RNF14: variants seen among roughly 807,000 people sequenced by gnomAD.
RNF14 encodes the protein ring finger protein 14, also known as E3 ubiquitin-protein ligase RNF14.
Under a neutral mutation model 52.6 loss-of-function variants are expected in RNF14, and 26 were observed. The observed-to-expected ratio is 0.49, with a 90% confidence interval of 0.36 to 0.69. The LOEUF is 0.69. Ranked by LOEUF, RNF14 falls within the 30% of genes least tolerant of loss-of-function variation. RNF14 has a pLI of 0.00. For missense variants in RNF14, 404 were observed against 560.4 expected, an observed-to-expected ratio of 0.72 and a Z score of 2.82; for synonymous variants, 194 against 202.0, an observed-to-expected ratio of 0.96 and a Z score of 0.34.
At chr5:141,985,018 A>C in intron 8 of RNF14, 85 bp downstream of exon 8, 1 of 1,176,858 alleles carries the variant, frequency 8.5e-7, no homozygotes, top group Non-Finnish European at 1.2e-6. Flanking sequence ...TTATTTAAGT[A>C]CTTGGACTTA....
upstream of RNF14, among the ~76,000 whole-genome samples, chr5:141,953,980 C>G (rs1753132691): frequency 6.6e-6 from 1 of 152,208 alleles, no homozygotes; most frequent in South Asian, 2.1e-4. Flanking sequence ...CAGGCATCAT[C>G]CCTGGAAAGG....
Position 141,987,903 on chromosome 5 carries a change from G to C in RNF14, c.*113G>C. On this transcript the variant is annotated 3_prime_UTR_variant, in exon 9 of 9. Transcript: ENST00000394520. Reference sequence around the variant, plus strand: ...ACTATTCATTCACTCTTCCTGCGTAGAAGATATGGAAGAACGAGGTTTATA... The same window carrying C: ...ACTATTCATTCACTCTTCCTGCGTACAAGATATGGAAGAACGAGGTTTATA... 2.2e-6 allele frequency: 2 copies of C among 907,126 alleles called. No homozygotes were observed. Among genetic ancestry groups the C allele is most frequent in the Non-Finnish European group, 1.8e-6 (1 of 559,758 alleles). 56.2% of individuals were successfully genotyped at this position (907,126 alleles called of 1,614,324 possible). A position where few individuals can be genotyped will look rare whatever the true frequency, so the allele number is the denominator to read the frequency against.
At chr5:141,950,794 G>T in the RNF14 span, among the ~76,000 whole-genome samples, 1 of 152,186 alleles carries the variant, frequency 6.6e-6, no homozygotes, top group African/African-American at 2.4e-5. Context: ...TAGCAAAATT[G>T]CTTCAAGGGG....
chr5:141,961,370 T>C (rs542983253), intron 1 of RNF14, among the ~76,000 whole-genome samples: 2 of 152,286 alleles, frequency 1.3e-5, no homozygotes, highest in African/African-American at 4.8e-5. Context: ...ATTTCAAAGC[T>C]GGCAAACAAG....
At chr5:141,979,397 C>A (rs1596692612) in intron 5 of RNF14, among the ~76,000 whole-genome samples, 1 of 152,006 alleles carries the variant, frequency 6.6e-6, no homozygotes, top group African/African-American at 2.4e-5. Flanking sequence ...TACAGGCACC[C>A]GCCACCATGC....
At position 141,972,235 on chromosome 5, in the gene RNF14, TA is replaced by T. The variant is rs1422862796; in HGVS notation, c.-6-1347del. 6.1e-5 allele frequency among the ~76,000 whole-genome samples: 3 copies of T among 49,356 alleles called. No individual in the cohort carries two copies. In the East Asian group the frequency reaches 0.012, roughly 202 times the overall value. The allele number at this position is 49,356 out of a possible 152,430, so 32.4% of individuals were successfully genotyped here. A position where few individuals can be genotyped will look rare whatever the true frequency, so the allele number is the denominator to read the frequency against. ...CCCAGGACCTGGCGCTATTTGGAGA[TA>T]TTTTTTTTTTTGAGACAGGGTCCCA... On this transcript the variant is annotated intron_variant, in intron 2 of 8. Coordinates refer to ENST00000394520, the MANE Select transcript of RNF14 (RefSeq NM_004290.5).
At chr5:141,985,625 G>A (rs933327443) in intron 8 of RNF14, among the ~76,000 whole-genome samples, 9 of 151,860 alleles carry the variant, frequency 5.9e-5, no homozygotes, top group Non-Finnish European at 1.2e-4. Flanking sequence ...GTGCCGTCTC[G>A]GCTCACTGCA....
chr5:141,958,111 C>G, upstream of RNF14: 1 of 494,828 alleles, frequency 2.0e-6, no homozygotes, highest in Non-Finnish European at 3.6e-6. Flanking sequence ...ACTAGTTGGT[C>G]CACTTCAGCA....
the RNF14 span, among the ~76,000 whole-genome samples, chr5:141,951,814 G>A: frequency 6.6e-6 from 1 of 152,252 alleles, no homozygotes; most frequent in African/African-American, 2.4e-5. Flanking sequence ...GTCTGAAGGA[G>A]AGCAAGAGGA....
intron 8 of RNF14, 142 bp from the exon 9 acceptor site, chr5:141,987,591 A>G (rs1009623352): frequency 5.3e-6 from 4 of 752,578 alleles, no homozygotes; most frequent in Admixed American, 4.9e-5. Flanking sequence ...CCCATATTTC[A>G]GCCCTCCTCA....
upstream of RNF14, chr5:141,958,268 G>A (rs998685220): frequency 1.2e-5 from 2 of 173,766 alleles, no homozygotes; most frequent in Non-Finnish European, 2.5e-5. Context: ...GGAGGGCTGT[G>A]AGTTTCAATG....
chr5:141,987,134 T>C (rs1177007467), intron 8 of RNF14, among the ~76,000 whole-genome samples: 1 of 151,728 alleles, frequency 6.6e-6, no homozygotes, highest in Non-Finnish European at 1.5e-5. Context: ...TCCCAAAGGG[T>C]TGGTTTGAAC....
chr5:141,949,347 T>C, the RNF14 span: 39 of 1,498,102 alleles, frequency 2.6e-5, no homozygotes, highest in Middle Eastern at 4.6e-4. Flanking sequence ...GAATGGCTTT[T>C]CCCTGCAGTG....
intron 7 of RNF14, among the ~76,000 whole-genome samples, chr5:141,984,211 C>T (rs1254285741): frequency 1.3e-5 from 2 of 151,804 alleles, no homozygotes; most frequent in Admixed American, 1.3e-4. Context: ...AATTTTCATG[C>T]CTCAGCCTCC....
Position 141,978,662 on chromosome 5 carries a change from C to T in RNF14, c.666C>T (p.Ile222=). The change falls in exon 5 of 9, where the codon ATC becomes ATT. Residue 222 remains isoleucine (I), a synonymous_variant. Coordinates refer to ENST00000394520, the MANE Select transcript of RNF14 (RefSeq NM_004290.5). ...ATAGTAAATTGTTCCTGTGCAGTAT[C>T]TGTTTCTGTGAGAAGCTGGGTAGTG... The part of the protein sequence containing the change: ...CFNSKLFLCS[I]CFCEKLGSEC... 6.2e-7 allele frequency: 1 copy of T among 1,614,002 alleles called. No individual in the cohort carries two copies. Among genetic ancestry groups the T allele is most frequent in the Non-Finnish European group, 8.5e-7 (1 of 1,179,874 alleles).
the RNF14 span, among the ~76,000 whole-genome samples, chr5:141,950,972 A>C: frequency 6.6e-6 from 1 of 152,170 alleles, no homozygotes; most frequent in Non-Finnish European, 1.5e-5. Context: ...CACTTGCTCA[A>C]GTTTACATAG....
At chr5:141,969,198 G>C (rs1422645315) in intron 1 of RNF14, 31 bp downstream of exon 1, 1 of 153,506 alleles carries the variant, frequency 6.5e-6, no homozygotes, top group Non-Finnish European at 1.4e-5. Flanking sequence ...GGCGGAGGGC[G>C]GAACTTTGGG....
chr5:141,960,851 T>A (rs1462373103), intron 1 of RNF14, among the ~76,000 whole-genome samples: 1 of 152,098 alleles, frequency 6.6e-6, no homozygotes, highest in East Asian at 1.9e-4. Flanking sequence ...GGAGCCTAGT[T>A]GAGAGTAATG....
intron 8 of RNF14, among the ~76,000 whole-genome samples, chr5:141,987,051 G>A (rs1042675732): frequency 7.9e-5 from 12 of 152,342 alleles, no homozygotes; most frequent in African/African-American, 2.9e-4. Flanking sequence ...ATGCTGGTCG[G>A]TTTTTGTGCC....
Sources: gnomAD v4.1 joint callset for allele counts (sites outside exome capture counted in the v4.1 genomes callset) on GRCh38, gnomAD v4.1.1 for gene constraint, MANE v1.5 for transcripts, NCBI Gene and HGNC (gene_info 2026-07-23, HGNC 2026-07-21) for gene names.